ZHX2: variants seen among roughly 807,000 people sequenced by gnomAD.
The protein encoded by ZHX2 is zinc fingers and homeoboxes protein 2.
A neutral mutation model predicts 21.9 loss-of-function variants in ZHX2; 6 were observed. That is an observed-to-expected ratio of 0.27 (90% confidence interval 0.15 to 0.54). The LOEUF is 0.54. Ranked by LOEUF, ZHX2 falls within the 20% of genes least tolerant of loss-of-function variation. The pLI is 0.95. For missense variants in ZHX2, 908 were observed against 1,090.7 expected (o/e 0.83, Z 2.36); for synonymous variants, 434 against 437.1 (o/e 0.99, Z 0.09).
At chr8:122,857,014 G>A (rs1431656684) in intron 1 of ZHX2, among the ~76,000 whole-genome samples, 1 of 151,982 alleles carries the variant, frequency 6.6e-6, no homozygotes, top group Non-Finnish European at 1.5e-5. Context: ...CAGTCTCTGG[G>A]GTCCACCGTG....
chr8:122,968,971 G>A (rs1033529892), intron 3 of ZHX2, among the ~76,000 whole-genome samples: 7 of 152,116 alleles, frequency 4.6e-5, no homozygotes, highest in South Asian at 2.1e-4. Flanking sequence ...CCAGCCTGGC[G>A]AACATAGTGA....
intron 2 of ZHX2, among the ~76,000 whole-genome samples, chr8:122,885,176 G>A (rs1423743764): frequency 6.6e-6 from 1 of 152,240 alleles, no homozygotes; most frequent in Admixed American, 6.5e-5. Flanking sequence ...AGAGCCAGTT[G>A]TGGCCTGTCA....
chr8:122,908,162 AG>A (rs1323950834), intron 2 of ZHX2, among the ~76,000 whole-genome samples: 1 of 152,136 alleles, frequency 6.6e-6, no homozygotes, highest in Non-Finnish European at 1.5e-5. Context: ...TGGAAGGGTG[AG>A]AGTTGGAGCA....
intron 2 of ZHX2, among the ~76,000 whole-genome samples, chr8:122,888,984 AC>A (rs1291210919): frequency 6.6e-6 from 1 of 152,206 alleles, no homozygotes; most frequent in Non-Finnish European, 1.5e-5. Context: ...ATGAACAAAA[AC>A]ATGCAGTATT....
At position 122,852,995 on chromosome 8, in the gene ZHX2, A is replaced by G. The variant is rs199567276; in HGVS notation, c.-282-10482A>G. On this transcript the variant is annotated intron_variant, in intron 1 of 3. Coordinates refer to ENST00000314393, the MANE Select transcript of ZHX2 (RefSeq NM_014943.5). ...TAATTCACACAGAAATCCTGTGTGCAGAGCCAAGGATATTCCCATTTTATA... is the reference window on the plus strand; with the variant it reads ...TAATTCACACAGAAATCCTGTGTGCGGAGCCAAGGATATTCCCATTTTATA... Among the ~76,000 whole-genome samples the G allele has an allele frequency of 2.6e-5, 4 of 152,176 alleles. No homozygotes were observed. The East Asian group carries it at 7.7e-4, about 29-fold the overall frequency.
intron 2 of ZHX2, among the ~76,000 whole-genome samples, chr8:122,892,742 A>G (rs1333333757): frequency 6.6e-6 from 1 of 152,008 alleles, no homozygotes; most frequent in African/African-American, 2.4e-5. Flanking sequence ...TGGAGTGCAA[A>G]GGCACAATCT....
chr8:122,972,419 C>T (rs1402730097), intron 3 of ZHX2, among the ~76,000 whole-genome samples: 5 of 152,232 alleles, frequency 3.3e-5, no homozygotes, highest in East Asian at 3.9e-4. Flanking sequence ...ATTAAGTGCA[C>T]GGACTCTAGA....
At chr8:122,905,247 A>G (rs991568555) in intron 2 of ZHX2, among the ~76,000 whole-genome samples, 1 of 152,244 alleles carries the variant, frequency 6.6e-6, no homozygotes, top group Non-Finnish European at 1.5e-5. Context: ...GACACATCAT[A>G]CTCAAATGTT....
chr8:122,871,265 C>G (rs1819428132), intron 2 of ZHX2, among the ~76,000 whole-genome samples: 1 of 151,930 alleles, frequency 6.6e-6, no homozygotes. Context: ...ATGTCTGGTA[C>G]TTGGAACCAA....
intron 2 of ZHX2, among the ~76,000 whole-genome samples, chr8:122,930,514 C>T (rs1384769242): frequency 6.6e-6 from 1 of 151,474 alleles, no homozygotes. Flanking sequence ...AAAGGACCTT[C>T]TCTTCCCACC....
intron 2 of ZHX2, among the ~76,000 whole-genome samples, chr8:122,930,850 A>G (rs1027472023): frequency 1.4e-4 from 22 of 151,958 alleles, no homozygotes; most frequent in Middle Eastern, 3.2e-3. Context: ...ACCCATGGGA[A>G]GTAGGGGGAC....
chr8:122,953,040 G>T lies in ZHX2; in HGVS notation c.1530G>T (p.Gln510His). The change falls in exon 3 of 4, where the codon CAG (glutamine) becomes CAT (histidine). Residue 510 changes from glutamine (Q) to histidine (H), a missense_variant. Gln to His is a conservative substitution (Grantham distance 24). Transcript: ENST00000314393. The surrounding 1 kb of genome is among the most constrained non-coding windows in gnomAD (Gnocchi z 4.6). ...CCAGCGAATCCCTTGCCAAAGACCA[G>T]TTGGCCATCGCGGCCTCCCGACACG... ...HITSESLAKD[Q>H]LAIAASRHGR... 6.2e-7 allele frequency: 1 copy of T among 1,614,076 alleles called. No individual in the cohort carries two copies. The highest frequency in any genetic ancestry group is 1.1e-5 in the South Asian group (1 of 91,080).
At chr8:122,873,856 T>C (rs560385712) in intron 2 of ZHX2, among the ~76,000 whole-genome samples, 66 of 152,248 alleles carry the variant, frequency 4.3e-4, no homozygotes, top group African/African-American at 1.5e-3. Flanking sequence ...AGGGCCCCCT[T>C]CCATCTTCAA....
chr8:122,952,204 G>C lies in ZHX2; in HGVS notation c.694G>C (p.Val232Leu). ...TGAGATCCTCTCGAGACTCGGCGGG[G>C]TGGAGCTCCTCCAAGACACATTAGG... ...TAEILSRLGG[V>L]ELLQDTLGHV... The change falls in exon 3 of 4, where the codon GTG (valine) becomes CTG (leucine). Residue 232 changes from valine to leucine, a missense_variant. By Grantham distance (32) the Val-to-Leu change is conservative. This residue lies in a region of ZHX2 where 220 missense variants were observed against 251.4 expected (regional missense o/e 0.88). Coordinates refer to ENST00000314393, the MANE Select transcript of ZHX2 (RefSeq NM_014943.5). The surrounding 1 kb of genome is among the most constrained non-coding windows in gnomAD (Gnocchi z 6.9). 6.2e-7 allele frequency: 1 copy of C among 1,613,548 alleles called. No homozygotes were observed.
intron 2 of ZHX2, among the ~76,000 whole-genome samples, chr8:122,876,717 C>A (rs936028615): frequency 1.3e-5 from 2 of 152,214 alleles, no homozygotes; most frequent in Non-Finnish European, 2.9e-5. Context: ...TTCACCCCTG[C>A]TCGCCTGAGG....
At chr8:122,866,672 C>T (rs1054649397) in intron 2 of ZHX2, among the ~76,000 whole-genome samples, 2 of 152,290 alleles carry the variant, frequency 1.3e-5, no homozygotes, top group Admixed American at 6.5e-5. Context: ...ATCAATTGGT[C>T]ATGGCTGCCA....
intron 2 of ZHX2, among the ~76,000 whole-genome samples, chr8:122,906,666 CTTTTTT>C (rs771349214): frequency 8.1e-6 from 1 of 123,428 alleles, no homozygotes; most frequent in Admixed American, 8.7e-5. Context: ...ACATAATTTC[CTTTTTT>C]TTTTTTTTTT....
chr8:122,804,846 C>G (rs1316347340), intron 1 of ZHX2, among the ~76,000 whole-genome samples: 1 of 152,206 alleles, frequency 6.6e-6, no homozygotes, highest in Non-Finnish European at 1.5e-5. Context: ...AGCCTGTTTT[C>G]TTTCCAACAT....
intron 1 of ZHX2, among the ~76,000 whole-genome samples, chr8:122,798,614 C>T (rs1817657537): frequency 6.6e-6 from 1 of 152,000 alleles, no homozygotes; most frequent in Admixed American, 6.6e-5. Context: ...CCAAACTTGT[C>T]TCTACTAAAA....
Sources: allele counts gnomAD v4.1 joint callset (sites outside exome capture counted in the v4.1 genomes callset), GRCh38; gene constraint gnomAD v4.1.1; regional missense constraint gnomAD v4.1.1; non-coding constraint Gnocchi (gnomAD v3.1); transcripts MANE v1.5; gene names NCBI Gene and HGNC (gene_info 2026-07-23, HGNC 2026-07-21).